The following CRACDL variants were observed in gnomAD, a reference collection of about 807,000 sequenced individuals.
CRACDL encodes the protein CRACD like, also known as CRACD-like protein.
CRACDL carries 26 observed loss-of-function variants against 70.6 expected under a neutral mutation model. That is an observed-to-expected ratio of 0.37 (90% CI 0.27 to 0.51). The LOEUF (loss-of-function observed/expected upper bound fraction) is 0.51, where lower values mean the gene tolerates loss of function less well. Among genes scored for constraint, CRACDL ranks in the 20% least tolerant of loss-of-function variants. The probability of loss-of-function intolerance (pLI) is 0.94; values close to 1 mark genes in which losing one functional copy is unlikely to be tolerated. For missense variants in CRACDL, 1,283 were observed against 1,376.9 expected, an observed-to-expected ratio of 0.93 and a Z score of 1.08; for synonymous variants, 618 against 615.2, an observed-to-expected ratio of 1.00 and a Z score of -0.07.
At chr2:98,879,501 T>C (rs1707577562) in intron 1 of CRACDL, among the ~76,000 whole-genome samples, 1 of 152,304 alleles carries the variant, frequency 6.6e-6, no homozygotes. Flanking sequence ...TTTGGCTCAT[T>C]ATATGAGACA....
At position 98,897,095 on chromosome 2, in the gene CRACDL, TC is replaced by T. The variant is rs1231297066; in HGVS notation, c.-11+38842del. Among the ~76,000 whole-genome samples the T allele has an allele frequency of 2.0e-5, 3 of 151,456 alleles. No homozygotes were observed. The South Asian group carries it at 6.3e-4, about 32-fold the overall frequency. On this transcript the variant is annotated intron_variant, in intron 1 of 9. Coordinates refer to ENST00000397899, the MANE Select transcript of CRACDL (RefSeq NM_207362.3). Reference sequence around the variant, plus strand: ...CATCACCACCCCACCCCTAAAATCCTCCCCCATGCTGCTCCTTTATAGCCAC... The same window carrying T: ...CATCACCACCCCACCCCTAAAATCCTCCCCATGCTGCTCCTTTATAGCCAC...
chr2:98,858,269 C>T (rs974632141), intron 1 of CRACDL, among the ~76,000 whole-genome samples: 6 of 152,024 alleles, frequency 3.9e-5, no homozygotes, highest in Admixed American at 6.6e-5. Flanking sequence ...TGTCTGTAAT[C>T]CCAACACTGC....
intron 6 of CRACDL, among the ~76,000 whole-genome samples, chr2:98,826,608 C>T (rs1464195589): frequency 6.6e-6 from 1 of 152,070 alleles, no homozygotes; most frequent in African/African-American, 2.4e-5. Flanking sequence ...GAAAGGTGGC[C>T]AGAACGCTGA....
intron 8 of CRACDL, 85 bp from the exon 9 acceptor site, chr2:98,796,349 T>TTTGCA: frequency 1.4e-6 from 2 of 1,413,486 alleles, no homozygotes; most frequent in Non-Finnish European, 2.0e-6. Context: ...GCTGCAAAGC[T>TTTGCA]GCTCATCCAA....
intron 5 of CRACDL, among the ~76,000 whole-genome samples, chr2:98,831,339 T>C (rs1274325234): frequency 6.6e-6 from 1 of 152,134 alleles, no homozygotes; most frequent in Non-Finnish European, 1.5e-5. Flanking sequence ...ACACAAAAAT[T>C]TGGTGTGGCA....
intron 1 of CRACDL, among the ~76,000 whole-genome samples, chr2:98,902,397 G>C (rs1352121436): frequency 6.6e-6 from 1 of 152,126 alleles, no homozygotes; most frequent in African/African-American, 2.4e-5. Context: ...GCTGAGACGG[G>C]ATCAAGACCT....
intron 1 of CRACDL, among the ~76,000 whole-genome samples, chr2:98,853,391 C>T (rs1706561761): frequency 1.3e-5 from 2 of 152,040 alleles, no homozygotes; most frequent in African/African-American, 4.8e-5. Context: ...GAAAAATTAT[C>T]CTTCAATAAT....
intron 1 of CRACDL, among the ~76,000 whole-genome samples, chr2:98,898,857 A>AT (rs1171826912): frequency 2.0e-5 from 3 of 152,064 alleles, no homozygotes; most frequent in Admixed American, 6.5e-5. Context: ...AGAAGATAAT[A>AT]TTTTTTTTCT....
At chr2:98,880,402 A>G (rs999212381) in intron 1 of CRACDL, among the ~76,000 whole-genome samples, 3 of 152,176 alleles carry the variant, frequency 2.0e-5, no homozygotes, top group Non-Finnish European at 4.4e-5. Context: ...CTTACTCCTT[A>G]AGCAGTAGCT....
intron 1 of CRACDL, among the ~76,000 whole-genome samples, chr2:98,911,933 G>C (rs72957671): frequency 0.039 from 5,889 of 152,272 alleles, 136 homozygotes; most frequent in East Asian, 0.081. Context: ...CTAGAGATGT[G>C]TTTTTCTAGA....
At chr2:98,830,090 T>C (rs1359750185) in intron 5 of CRACDL, among the ~76,000 whole-genome samples, 3 of 152,246 alleles carry the variant, frequency 2.0e-5, no homozygotes, top group African/African-American at 7.2e-5. Flanking sequence ...AAATGACTCA[T>C]TGGCCTTGCC....
rs914902509 is a variant in CRACDL, at chr2:98,936,210, T to TCGCTCGGCTC, written c.-293_-284dup. On this transcript the variant is annotated 5_prime_UTR_variant, in exon 1 of 10. Coordinates refer to ENST00000397899, the MANE Select transcript of CRACDL (RefSeq NM_207362.3). ...GCTCCCAGCTGCAGGCGCGCCGGCT[T>TCGCTCGGCTC]CGCTCGGCTCCGCTCGGCTCGGCGG... The TCGCTCGGCTC allele has an allele frequency of 4.7e-5, 7 of 150,204 alleles. No homozygotes were observed. The highest frequency in any genetic ancestry group is 9.7e-5 in the African/African-American group (4 of 41,172). 9.3% of individuals were successfully genotyped at this position (150,204 alleles called of 1,614,324 possible). A position where few individuals can be genotyped will look rare whatever the true frequency, so the allele number is the denominator to read the frequency against.
intron 1 of CRACDL, chr2:98,908,616 T>A (rs1708472041): frequency 6.6e-6 from 1 of 152,288 alleles, no homozygotes; most frequent in African/African-American, 2.4e-5. Flanking sequence ...ATCAGGCAGA[T>A]AAACTCCATT....
At chr2:98,826,279 C>G (rs1363566428) in intron 6 of CRACDL, among the ~76,000 whole-genome samples, 2 of 152,212 alleles carry the variant, frequency 1.3e-5, no homozygotes, top group Non-Finnish European at 2.9e-5. Context: ...TCATCCAAGA[C>G]AGTTGTCCAC....
intron 1 of CRACDL, among the ~76,000 whole-genome samples, chr2:98,876,285 T>G (rs988261285): frequency 2.8e-4 from 42 of 152,300 alleles, no homozygotes; most frequent in African/African-American, 9.4e-4. Flanking sequence ...ATTAATTTAG[T>G]TTTTATTTTA....
chr2:98,857,976 A>C (rs911848103), intron 1 of CRACDL, among the ~76,000 whole-genome samples: 1 of 152,210 alleles, frequency 6.6e-6, no homozygotes, highest in East Asian at 1.9e-4. Context: ...TATATTCTCT[A>C]ACCACAACAG....
chr2:98,816,326 G>T (rs1379634090), intron 7 of CRACDL, among the ~76,000 whole-genome samples: 1 of 152,146 alleles, frequency 6.6e-6, no homozygotes, highest in Non-Finnish European at 1.5e-5. Flanking sequence ...GGTCAGAACA[G>T]CAAGTCCCTT....
chr2:98,862,930 A>C (rs1706993832), intron 1 of CRACDL, among the ~76,000 whole-genome samples: 1 of 152,148 alleles, frequency 6.6e-6, no homozygotes, highest in African/African-American at 2.4e-5. Context: ...ATATTTCTAC[A>C]TTTATATGTT....
intron 6 of CRACDL, among the ~76,000 whole-genome samples, chr2:98,824,699 A>G (rs983596306): frequency 1.3e-5 from 2 of 152,144 alleles, no homozygotes; most frequent in African/African-American, 4.8e-5. Context: ...TATGTTTGCA[A>G]TAGGTTTTTC....
Sources: allele counts gnomAD v4.1 joint callset (sites outside exome capture counted in the v4.1 genomes callset), GRCh38; gene constraint gnomAD v4.1.1; transcripts MANE v1.5; gene names NCBI Gene and HGNC (gene_info 2026-07-23, HGNC 2026-07-21).